DHX37: variants seen among roughly 807,000 people sequenced by gnomAD.
The protein encoded by DHX37 is DEAH-box helicase 37.
DHX37 carries 52 observed loss-of-function variants against 134.3 expected under a neutral mutation model. That is an observed-to-expected ratio of 0.39 (90% CI 0.31 to 0.49). The LOEUF (loss-of-function observed/expected upper bound fraction) is 0.49. Ranked by LOEUF, DHX37 falls within the 20% of genes least tolerant of loss-of-function variation. The probability of loss-of-function intolerance (pLI) is 0.93; values close to 1 mark genes in which losing one functional copy is unlikely to be tolerated. For synonymous variants in DHX37, 634 were observed against 670.7 expected (o/e 0.95, Z 0.85); for missense variants, 1,344 against 1,580.8 (o/e 0.85, Z 2.54).
At position 124,988,131 on chromosome 12, in the gene DHX37, C is replaced by CTA. The variant is rs891077000; in HGVS notation, c.106+784_106+785dup. 6.6e-5 allele frequency among the ~76,000 whole-genome samples: 10 copies of CTA among 151,558 alleles called. No individual in the cohort carries two copies. In the Admixed American group the frequency reaches 6.6e-4, roughly 10 times the overall value. ...GCCTCAGCCTCCCAAGTAGCTGGGA[C>CTA]TACAGGTGCCCACCACCACGCCTCC... On this transcript the variant is annotated intron_variant, in intron 1 of 26. Coordinates refer to ENST00000308736, the MANE Select transcript of DHX37 (RefSeq NM_032656.4).
chr12:124,969,904 A>G (rs1341391168), intron 8 of DHX37, among the ~76,000 whole-genome samples: 12 of 128,394 alleles, frequency 9.3e-5, no homozygotes, highest in Non-Finnish European at 1.9e-4. Context: ...CTCAGTGACA[A>G]TGAGACCCTG....
intron 16 of DHX37, among the ~76,000 whole-genome samples, chr12:124,958,910 CT>C (rs35528941): frequency 0.031 from 3,754 of 122,386 alleles, 112 homozygotes; most frequent in African/African-American, 0.095. Flanking sequence ...ATGCACCCAG[CT>C]TTTTTTTTTT....
chr12:124,966,867 C>A lies in DHX37; in HGVS notation c.1516G>T (p.Asp506Tyr). 1 of 1,614,230 alleles carries A rather than the reference C, an allele frequency of 6.2e-7. No individual in the cohort carries two copies. The highest frequency in any genetic ancestry group is 8.5e-7 in the Non-Finnish European group (1 of 1,180,044). ...ATTTCCTCCACCGAGTCTTTCTGAT[C>A]GTCGTCCTTTTCTGGGAGAGGGGCA... ...SRARPQEKDDDQKDSVEEMRK... is the reference protein window; with the variant it reads ...SRARPQEKDDYQKDSVEEMRK... Residue 506 changes from aspartate to tyrosine, a missense_variant, in exon 12 of 27, where the codon GAT (aspartate) becomes TAT (tyrosine). This residue lies in a region of DHX37 where 289 missense variants were observed against 323.8 expected (regional missense o/e 0.89). Coordinates refer to ENST00000308736, the MANE Select transcript of DHX37 (RefSeq NM_032656.4).
chr12:124,972,504 T>C lies in DHX37; in HGVS notation c.1076A>G (p.Lys359Arg), dbSNP rs1459880688. 6.2e-7 allele frequency: 1 copy of C among 1,614,008 alleles called. No homozygotes were observed. The highest frequency in any genetic ancestry group is 1.3e-5 in the African/African-American group (1 of 74,930). Residue 359 changes from lysine (K) to arginine (R), a missense_variant and splice_region_variant, in exon 7 of 27, where the codon AAG (lysine) becomes AGG (arginine). Coordinates refer to ENST00000308736, the MANE Select transcript of DHX37 (RefSeq NM_032656.4). ...TGTGAGCCAGGATCCACAACCAACCTTCTGGATTTCTTTAAGCAGCACACC... is the reference window on the plus strand; with the variant it reads ...TGTGAGCCAGGATCCACAACCAACCCTCTGGATTTCTTTAAGCAGCACACC... ...TDGVLLKEIQ[K>R]DFLLLRYKVV...
At chr12:124,986,714 A>T (rs1954880457) in intron 1 of DHX37, among the ~76,000 whole-genome samples, 1 of 151,726 alleles carries the variant, frequency 6.6e-6, no homozygotes. Context: ...CCATCTCAAA[A>T]AAAAGAAAAC....
At chr12:124,971,490 A>C in intron 7 of DHX37, 75 bp from the exon 8 acceptor site, 1 of 1,558,192 alleles carries the variant, frequency 6.4e-7, no homozygotes, top group East Asian at 2.4e-5. Flanking sequence ...CAGAACTCCC[A>C]CTTGAGGAGA....
At position 124,965,077 on chromosome 12, in the gene DHX37, G is replaced by A. The variant is rs144398780; in HGVS notation, c.1736-71C>T. ...CCCACAGGCAGGAGCTGGCCACAGC[G>A]GCCCTGCACCCCCAGGCTGCTCCAC... is the stretch of plus-strand genomic sequence containing the variant. On this transcript the variant is annotated intron_variant, in intron 13 of 26. Coordinates refer to ENST00000308736, the MANE Select transcript of DHX37 (RefSeq NM_032656.4). 30 of 1,502,008 alleles carry A rather than the reference G, an allele frequency of 2.0e-5. No individual in the cohort carries two copies. In the African/African-American group the frequency reaches 2.9e-4, roughly 14 times the overall value. The allele number at this position is 1,502,008 out of a possible 1,614,324, so 93.0% of individuals were successfully genotyped here.
chr12:124,967,167 C>A lies in DHX37; in HGVS notation c.1460G>T (p.Arg487Leu), dbSNP rs779613772. 1.9e-6 allele frequency: 3 copies of A among 1,613,770 alleles called. No homozygotes were observed. The highest frequency in any genetic ancestry group is 2.5e-6 in the Non-Finnish European group (3 of 1,180,016). Residue 487 changes from arginine (R) to leucine (L), a missense_variant, in exon 11 of 27, where the codon CGC becomes CTC. Physicochemically the swap from Arg to Leu is moderately radical, Grantham distance 102. Transcript: ENST00000308736. ...TGQAEVHALCRRLRKAFPPSR... is the reference protein window; with the variant it reads ...TGQAEVHALCLRLRKAFPPSR... ...GGGTGGGAAAGCCTTCCTGAGCCTG[C>A]GGCACAGCGCATGCACCTCAGCCTG...
At chr12:124,978,015 C>A (rs1954679292) in intron 4 of DHX37, among the ~76,000 whole-genome samples, 1 of 152,180 alleles carries the variant, frequency 6.6e-6, no homozygotes, top group South Asian at 2.1e-4. Context: ...AAGGTGTATG[C>A]AATGGCGCGA....
In DHX37 at chr12:124,948,147, G is replaced by C. The variant is rs2135924778; in HGVS notation, c.3325C>G (p.Leu1109Val). 2 of 1,614,244 alleles carry C rather than the reference G, an allele frequency of 1.2e-6. No individual in the cohort carries two copies. The highest frequency in any genetic ancestry group is 4.5e-5 in the East Asian group (2 of 44,888). Residue 1109 changes from leucine (L) to valine (V), a missense_variant, in exon 26 of 27, where the codon CTG becomes GTG. Physicochemically the swap from Leu to Val is conservative, Grantham distance 32. Around this residue, in one of 7 missense-constraint regions of DHX37, gnomAD observed 558 missense variants for 650.0 expected, o/e 0.86. Transcript: ENST00000308736. ...QPRTESLLRA[L>V]VAEKADCHEA... ...TGGCAGTCAGCCTTCTCTGCAACCAGGGCTCGCAGAAGGCTCTCCGTACGG... is the reference window on the plus strand; with the variant it reads ...TGGCAGTCAGCCTTCTCTGCAACCACGGCTCGCAGAAGGCTCTCCGTACGG...
intron 21 of DHX37, among the ~76,000 whole-genome samples, chr12:124,951,281 C>A (rs1953972578): frequency 2.3e-5 from 3 of 130,098 alleles, no homozygotes; most frequent in Admixed American, 7.8e-5. Context: ...AACTCCTTCT[C>A]AAAAAAAAAA....
At chr12:124,982,684 G>T in intron 2 of DHX37, 61 bp from the exon 3 acceptor site, 1 of 1,582,344 alleles carries the variant, frequency 6.3e-7, no homozygotes, top group Non-Finnish European at 8.6e-7. Context: ...AAGAAGGGAA[G>T]TGAGACTGTA....
chr12:124,950,940 C>T (rs988528359), intron 21 of DHX37, 136 bp from the exon 22 acceptor site: 18 of 1,278,310 alleles, frequency 1.4e-5, no homozygotes, highest in Admixed American at 3.6e-5. Context: ...CCGGGAAATG[C>T]GGCCCATCCA....
Position 124,980,478 on chromosome 12 carries a change from G to A in DHX37, c.738+12C>T, listed in dbSNP as rs552706055. ...AACCTAGATTCTTAATCACAAACAC[G>A]GGGTGGCGAACCTGCATTTCCGGGG... On this transcript the variant is annotated intron_variant, in intron 4 of 26. Coordinates refer to ENST00000308736, the MANE Select transcript of DHX37 (RefSeq NM_032656.4). The surrounding 1 kb of genome is among the most constrained non-coding windows in gnomAD (Gnocchi z 5.3). 1.4e-5 allele frequency: 22 copies of A among 1,605,014 alleles called. No homozygotes were observed. In the African/African-American group the frequency reaches 2.8e-4, roughly 21 times the overall value.
At chr12:124,951,158 G>A (rs956168082) in intron 21 of DHX37, among the ~76,000 whole-genome samples, 8 of 152,134 alleles carry the variant, frequency 5.3e-5, no homozygotes, top group African/African-American at 1.4e-4. Flanking sequence ...GCACACACCT[G>A]TAATCCCAGC....
At chr12:124,968,825 T>C (rs1243765937) in intron 9 of DHX37, 42 bp downstream of exon 9, 1 of 1,611,592 alleles carries the variant, frequency 6.2e-7, no homozygotes, top group African/African-American at 1.3e-5. Context: ...AGGGCGTCCT[T>C]GTGCCATCCA....
chr12:124,948,230 G>A (rs749229838), intron 25 of DHX37, 49 bp from the exon 26 acceptor site: 36 of 1,585,758 alleles, frequency 2.3e-5, no homozygotes, highest in East Asian at 2.0e-4. Flanking sequence ...GGCACAGACC[G>A]GCTGCTGCTG....
chr12:124,962,652 A>G (rs892508177), intron 15 of DHX37, among the ~76,000 whole-genome samples: 4 of 151,390 alleles, frequency 2.6e-5, no homozygotes, highest in Non-Finnish European at 2.9e-5. Context: ...AGTGAGACTC[A>G]GTCTCAAAAA....
intron 15 of DHX37, among the ~76,000 whole-genome samples, chr12:124,964,100 CAGG>C (rs2135944368): frequency 6.8e-6 from 1 of 147,074 alleles, no homozygotes; most frequent in East Asian, 2.0e-4. Context: ...GAGGCTAAGG[CAGG>C]AGAATTGCTT....
Sources: allele counts gnomAD v4.1 joint callset (sites outside exome capture counted in the v4.1 genomes callset), GRCh38; gene constraint gnomAD v4.1.1; regional missense constraint gnomAD v4.1.1; non-coding constraint Gnocchi (gnomAD v3.1); transcripts MANE v1.5; gene names NCBI Gene and HGNC (gene_info 2026-07-23, HGNC 2026-07-21).